Variants in KIF20A observed in about 807,000 individuals in gnomAD.
KIF20A encodes the protein kinesin-like protein KIF20A.
A neutral mutation model predicts 113.0 loss-of-function variants in KIF20A; 66 were observed. The observed-to-expected ratio is 0.58, with a 90% CI of 0.48 to 0.72. The LOEUF (loss-of-function observed/expected upper bound fraction) is 0.72. Among genes scored for constraint, KIF20A ranks in the 30% least tolerant of loss-of-function variants. The pLI, the probability that KIF20A is intolerant of heterozygous loss-of-function variation, is 0.00. For missense variants in KIF20A, 927 were observed against 1,077.6 expected, an observed-to-expected ratio of 0.86 and a Z score of 1.96; for synonymous variants, 376 against 402.3, an observed-to-expected ratio of 0.93 and a Z score of 0.78.
At position 138,186,058 on chromosome 5, in the gene KIF20A, TACC is replaced by T. The variant is rs757435252; in HGVS notation, c.2217+11_2217+13del. The T allele has an allele frequency of 2.2e-5, 36 of 1,611,612 alleles. No homozygotes were observed. Among genetic ancestry groups the T allele is most frequent in the Non-Finnish European group, 2.8e-5 (33 of 1,178,060 alleles). On this transcript the variant is annotated splice_region_variant and intron_variant, in intron 17 of 18. Coordinates refer to ENST00000394894, the MANE Select transcript of KIF20A (RefSeq NM_005733.3). Reference sequence around the variant, plus strand: ...AGTTAGAAGAGGGCCAGAAGGTAATTACCACCATTCTCTGTTTACCAAACTCTT... The same window carrying T: ...AGTTAGAAGAGGGCCAGAAGGTAATTACCATTCTCTGTTTACCAAACTCTT...
intron 15 of KIF20A, 56 bp downstream of exon 15, chr5:138,185,253 C>T: frequency 8.2e-7 from 1 of 1,212,620 alleles, no homozygotes; most frequent in Non-Finnish European, 1.2e-6. Flanking sequence ...CACTAGCTTG[C>T]CTGAAGTAAA....
chr5:138,184,577 T>C lies in KIF20A; in HGVS notation c.1584T>C (p.Ser528=). 6.2e-7 allele frequency: 1 copy of C among 1,614,106 alleles called. No homozygotes were observed. The highest frequency in any genetic ancestry group is 1.1e-5 in the South Asian group (1 of 91,076). ...PSLHSFIKEH[S]LQVSPSLEKG... The stretch of plus-strand genomic sequence containing the variant: ...TGCACTCGTTCATCAAGGAACATAG[T>C]CTTCAGGTATCCCCCAGCTTAGAGA... Residue 528 remains serine (S), a synonymous_variant, in exon 13 of 19, where the codon AGT becomes AGC. Coordinates refer to ENST00000394894, the MANE Select transcript of KIF20A (RefSeq NM_005733.3).
intron 2 of KIF20A, among the ~76,000 whole-genome samples, chr5:138,180,433 C>CTT (rs1754637564): frequency 6.6e-6 from 1 of 152,192 alleles, no homozygotes. Flanking sequence ...TCTTCAGGCA[C>CTT]TTCAGGCATT....
rs1290700975 is a variant in KIF20A at position 138,183,660 on chromosome 5, A to G, written c.1140-28A>G. ...TCTGCCTGGTCATGGAAAATGTGCA[A>G]TGACTTTTTGTTTTTCTTAACTTCC... On this transcript the variant is annotated intron_variant, in intron 9 of 18. Coordinates refer to ENST00000394894, the MANE Select transcript of KIF20A (RefSeq NM_005733.3). This position sits in a 1 kb window ranked among gnomAD's most constrained non-coding sequence, Gnocchi z 5.2. 2.5e-6 allele frequency: 4 copies of G among 1,610,686 alleles called. No individual in the cohort carries two copies. Among genetic ancestry groups the G allele is most frequent in the Non-Finnish European group, 3.4e-6 (4 of 1,177,084 alleles).
intron 16 of KIF20A, 22 bp downstream of exon 16, chr5:138,185,732 A>G (rs569133688): frequency 1.2e-6 from 2 of 1,612,178 alleles, no homozygotes; most frequent in Non-Finnish European, 1.7e-6. Flanking sequence ...GACAGGCAGG[A>G]AACATAACAG....
chr5:138,181,626 G>T lies in KIF20A; in HGVS notation c.273G>T (p.Glu91Asp), dbSNP rs1754662436. The T allele has an allele frequency of 6.2e-7, 1 of 1,614,124 alleles. No individual in the cohort carries two copies. The highest frequency in any genetic ancestry group is 8.5e-7 in the Non-Finnish European group (1 of 1,180,054). ...CTTCTCAGGGTTGTGTCCGTATTGA[G>T]AATGTGGAGACCCTTGTTCTACAAG... The part of the protein sequence containing the change: ...RQEDQGCVRI[E>D]NVETLVLQAP... The change falls in exon 4 of 19, where the codon GAG (glutamate) becomes GAT (aspartate). Residue 91 changes from glutamate (E) to aspartate (D), a missense_variant. Physicochemically the swap from Glu to Asp is conservative, Grantham distance 45. Coordinates refer to ENST00000394894, the MANE Select transcript of KIF20A (RefSeq NM_005733.3).
At position 138,185,640 on chromosome 5, in the gene KIF20A, C is replaced by T; in HGVS notation, c.2055C>T (p.Ser685=). 1 of 1,614,196 alleles carries T rather than the reference C, an allele frequency of 6.2e-7. No homozygotes were observed. Among genetic ancestry groups the T allele is most frequent in the Middle Eastern group, 1.7e-4 (1 of 6,052 alleles). ...CACAAAGGTTGGCAGCTTCTGCCTC[C>T]ACCCAGCAGCTTCAGGAGGTTAAAG... ...RRSQRLAASA[S]TQQLQEVKAK... is the part of the protein sequence containing the mutation. Residue 685 remains serine, a synonymous_variant, in exon 16 of 19, where the codon TCC becomes TCT. Coordinates refer to ENST00000394894, the MANE Select transcript of KIF20A (RefSeq NM_005733.3).
rs1437382431 is a variant in KIF20A at position 138,185,716 on chromosome 5, GAAAGAGA to G, written c.2125+7_2125+13del. The stretch of plus-strand genomic sequence containing the variant: ...GCTAAACTCTACCACTGAAGGTGAG[GAAAGAGA>G]CAGGCAGGAAACATAACAGTGGTTC... On this transcript the variant is annotated splice_region_variant and intron_variant, in intron 16 of 18. Transcript: ENST00000394894. 1.2e-6 allele frequency: 2 copies of G among 1,613,792 alleles called. No individual in the cohort carries two copies. Among genetic ancestry groups the G allele is most frequent in the Non-Finnish European group, 8.5e-7 (1 of 1,179,802 alleles).
chr5:138,186,504 C>A, intron 18 of KIF20A, 73 bp downstream of exon 18: 1 of 1,492,758 alleles, frequency 6.7e-7, no homozygotes, highest in Non-Finnish European at 9.0e-7. Context: ...GGAAAGAGGA[C>A]CAGAAGAAAA....
intron 17 of KIF20A, 40 bp downstream of exon 17, chr5:138,186,092 A>G: frequency 6.3e-7 from 1 of 1,581,950 alleles, no homozygotes; most frequent in Non-Finnish European, 8.7e-7. Context: ...CTCTTACCTA[A>G]GGCAATTTCC....
chr5:138,186,064 C>A lies in KIF20A; in HGVS notation c.2217+12C>A, dbSNP rs1278211485. ...AAGAGGGCCAGAAGGTAATTACCACCATTCTCTGTTTACCAAACTCTTACC... is the reference window on the plus strand; with the variant it reads ...AAGAGGGCCAGAAGGTAATTACCACAATTCTCTGTTTACCAAACTCTTACC... On this transcript the variant is annotated intron_variant, in intron 17 of 18. Transcript: ENST00000394894. The A allele has an allele frequency of 1.2e-6, 2 of 1,609,198 alleles. No homozygotes were observed. Among genetic ancestry groups the A allele is most frequent in the East Asian group, 2.2e-5 (1 of 44,828 alleles).
rs745602115 is a variant in KIF20A, at chr5:138,184,520, T to A, written c.1527T>A (p.His509Gln). The A allele has an allele frequency of 6.8e-6, 11 of 1,613,780 alleles. No individual in the cohort carries two copies. The highest frequency in any genetic ancestry group is 3.3e-5 in the South Asian group (3 of 91,082). ...KFSAIASQLV[H>Q]APPMQLGFPS... ...ATTTTTTTTCCCTCTAGCTTGTGCA[T>A]GCCCCACCTATGCAACTGGGATTCC... The change falls in exon 13 of 19, where the codon CAT becomes CAA. Residue 509 changes from histidine to glutamine, a missense_variant. His to Gln is a conservative substitution (Grantham distance 24). Coordinates refer to ENST00000394894, the MANE Select transcript of KIF20A (RefSeq NM_005733.3).
In KIF20A at chr5:138,187,369, C is replaced by T. The variant is rs373613515; in HGVS notation, c.2629C>T (p.Arg877Cys). The T allele has an allele frequency of 3.7e-6, 6 of 1,614,152 alleles. No homozygotes were observed. The highest frequency in any genetic ancestry group is 1.7e-5 in the Admixed American group (1 of 60,008). Residue 877 changes from arginine (R) to cysteine (C), a missense_variant, in exon 19 of 19, where the codon CGT (arginine) becomes TGT (cysteine). Coordinates refer to ENST00000394894, the MANE Select transcript of KIF20A (RefSeq NM_005733.3). The stretch of plus-strand genomic sequence containing the variant: ...TTATGCCCGGATCCTACGCTCACGG[C>T]GTTCCCCTTTACTCAAATCTGGGCC... The part of the protein sequence containing the change: ...SPYARILRSR[R>C]SPLLKSGPFG...
At chr5:138,185,227 C>T (rs199538934) in intron 15 of KIF20A, 30 bp downstream of exon 15, 179 of 1,427,152 alleles carry the variant, frequency 1.3e-4, no homozygotes, top group Admixed American at 5.1e-4. Context: ...CTCCAATTAG[C>T]TGCTCAGATT....
chr5:138,181,892 T>C (rs62381764), intron 4 of KIF20A, 164 bp downstream of exon 4: 20,803 of 692,654 alleles, frequency 0.03, 395 homozygotes, highest in Non-Finnish European at 0.04. Flanking sequence ...AAGTAACATA[T>C]GTATATCAGT....
chr5:138,183,734 G>A lies in KIF20A; in HGVS notation c.1186G>A (p.Asp396Asn), dbSNP rs371570693. 6.2e-6 allele frequency: 10 copies of A among 1,613,574 alleles called. No individual in the cohort carries two copies. Among genetic ancestry groups the A allele is most frequent in the African/African-American group, 1.3e-5 (1 of 74,906 alleles). The change falls in exon 10 of 19, where the codon GAT (aspartate) becomes AAT (asparagine). Residue 396 changes from aspartate (D) to asparagine (N), a missense_variant. Transcript: ENST00000394894. The surrounding 1 kb of genome is among the most constrained non-coding windows in gnomAD (Gnocchi z 5.2). ...IRILHLQGEGDIVPKISELSL... is the reference protein window; with the variant it reads ...IRILHLQGEGNIVPKISELSL... Reference sequence around the variant, plus strand: ...GATCCTACACCTTCAGGGGGAAGGAGATATAGTCCCCAAGATCAGCGAGTA... The same window carrying A: ...GATCCTACACCTTCAGGGGGAAGGAAATATAGTCCCCAAGATCAGCGAGTA...
At chr5:138,184,150 G>A in intron 11 of KIF20A, 45 bp downstream of exon 11, 1 of 1,612,678 alleles carries the variant, frequency 6.2e-7, no homozygotes, top group African/African-American at 1.3e-5. Context: ...TTTGCTAAGA[G>A]ACTTCCTGGA....
Position 138,187,370 on chromosome 5 carries a change from G to T in KIF20A, c.2630G>T (p.Arg877Leu). The T allele has an allele frequency of 3.1e-6, 5 of 1,614,102 alleles. No homozygotes were observed. In the South Asian group the frequency reaches 4.4e-5, roughly 14 times the overall value. ...TATGCCCGGATCCTACGCTCACGGCGTTCCCCTTTACTCAAATCTGGGCCT... is the reference window on the plus strand; with the variant it reads ...TATGCCCGGATCCTACGCTCACGGCTTTCCCCTTTACTCAAATCTGGGCCT... ...SPYARILRSR[R>L]SPLLKSGPFG... Residue 877 changes from arginine to leucine, a missense_variant, in exon 19 of 19, where the codon CGT becomes CTT. Arg to Leu is a moderately radical substitution (Grantham distance 102). Coordinates refer to ENST00000394894, the MANE Select transcript of KIF20A (RefSeq NM_005733.3).
chr5:138,184,608 G>T lies in KIF20A; in HGVS notation c.1615G>T (p.Ala539Ser). ...LQVSPSLEKG[A>S]KADTGLDDDI... ...GGTATCCCCCAGCTTAGAGAAAGGG[G>T]CTAAGGCAGACACAGGCCTTGATGA... is the stretch of plus-strand genomic sequence containing the variant. The change falls in exon 13 of 19, where the codon GCT (alanine) becomes TCT (serine). Residue 539 changes from alanine (A) to serine (S), a missense_variant. Ala to Ser is a moderately conservative substitution (Grantham distance 99, BLOSUM62 1). Coordinates refer to ENST00000394894, the MANE Select transcript of KIF20A (RefSeq NM_005733.3). 1 of 1,614,186 alleles carries T rather than the reference G, an allele frequency of 6.2e-7. No individual in the cohort carries two copies. Among genetic ancestry groups the T allele is most frequent in the Non-Finnish European group, 8.5e-7 (1 of 1,180,014 alleles).
Sources: allele counts gnomAD v4.1 joint callset (sites outside exome capture counted in the v4.1 genomes callset), GRCh38; gene constraint gnomAD v4.1.1; non-coding constraint Gnocchi (gnomAD v3.1); transcripts MANE v1.5; gene names NCBI Gene and HGNC (gene_info 2026-07-23, HGNC 2026-07-21).